The following SPAG16 variants were observed in gnomAD, a reference collection of about 807,000 sequenced individuals.
SPAG16 encodes the protein sperm-associated antigen 16 protein.
SPAG16 carries 86 observed loss-of-function variants against 80.4 expected under a neutral mutation model. The ratio of observed to expected loss-of-function variants is 1.07; its 90% CI spans 0.90 to 1.28. SPAG16 has a LOEUF of 1.28. Ranked by LOEUF, SPAG16 falls within the 50% of genes most tolerant of loss-of-function variation. The probability of loss-of-function intolerance (pLI) is 0.00; values close to 1 mark genes in which losing one functional copy is unlikely to be tolerated. For synonymous variants in SPAG16, 294 were observed against 265.9 expected, an observed-to-expected ratio of 1.11 and a Z score of -1.03; for missense variants, 870 against 765.3, an observed-to-expected ratio of 1.14 and a Z score of -1.61.
intron 15 of SPAG16, among the ~76,000 whole-genome samples, chr2:214,155,124 G>T (rs2056156025): frequency 6.6e-6 from 1 of 152,138 alleles, no homozygotes; most frequent in Non-Finnish European, 1.5e-5. Context: ...GCAGGGTACA[G>T]GAGAGTTATG....
intron 7 of SPAG16, 149 bp downstream of exon 7, chr2:213,350,794 A>C: frequency 1.8e-6 from 1 of 547,984 alleles, no homozygotes; most frequent in Non-Finnish European, 3.2e-6. Flanking sequence ...AAACATTCAG[A>C]AAAAGTATTT....
At chr2:214,318,549 T>C (rs958290098) in intron 15 of SPAG16, among the ~76,000 whole-genome samples, 118 of 151,952 alleles carry the variant, frequency 7.8e-4, no homozygotes, top group African/African-American at 2.8e-3. Flanking sequence ...GCCTGGCTAG[T>C]TTTTTGTAGA....
chr2:214,060,230 T>G (rs1286991803), intron 13 of SPAG16, among the ~76,000 whole-genome samples: 1 of 152,150 alleles, frequency 6.6e-6, no homozygotes, highest in Non-Finnish European at 1.5e-5. Flanking sequence ...CCCAGATGCC[T>G]CCAGCTTGCA....
At chr2:213,765,366 TCAAAA>T (rs2068879126) in intron 10 of SPAG16, among the ~76,000 whole-genome samples, 1 of 152,156 alleles carries the variant, frequency 6.6e-6, no homozygotes, top group Non-Finnish European at 1.5e-5. Context: ...AGACTCTGTC[TCAAAA>T]CAAATCAAAA....
intron 7 of SPAG16, among the ~76,000 whole-genome samples, chr2:213,358,585 G>A (rs551404124): frequency 2.0e-5 from 3 of 152,158 alleles, no homozygotes; most frequent in South Asian, 2.1e-4. Context: ...CAACGTTTTC[G>A]TGCTGTGGTT....
At chr2:213,730,865 T>C (rs2066999910) in intron 10 of SPAG16, among the ~76,000 whole-genome samples, 1 of 152,214 alleles carries the variant, frequency 6.6e-6, no homozygotes. Flanking sequence ...TTTGTTTTAC[T>C]TGTTTGTTAC....
rs191792301 is a variant in SPAG16 at position 214,409,343 on chromosome 2, C to T, written c.1721-797C>T. On this transcript the variant is annotated intron_variant, in intron 15 of 15. Transcript: ENST00000331683. ...ACACTAAGTACTGAGCTTATGTAAA[C>T]ATATCCTATTGTTTTACTTAACTCC... Among the ~76,000 whole-genome samples the T allele has an allele frequency of 2.0e-5, 3 of 152,124 alleles. No homozygotes were observed. In the East Asian group the frequency reaches 5.8e-4, roughly 29 times the overall value.
chr2:213,732,264 A>G lies in SPAG16; in HGVS notation c.1071-130221A>G, dbSNP rs112688844. ...ATTTCTGGGTTCTCTGTTCTGTTTC[A>G]TTGGTCAATGTGTCTGTTCATCCAT... On this transcript the variant is annotated intron_variant, in intron 10 of 15. Transcript: ENST00000331683. Among the ~76,000 whole-genome samples the G allele has an allele frequency of 9.9e-5, 15 of 152,240 alleles. 1 individual carries two copies. Among genetic ancestry groups the G allele is most frequent in the African/African-American group, 2.6e-4 (11 of 41,538 alleles).
chr2:214,145,895 G>A (rs1484916363), intron 14 of SPAG16, among the ~76,000 whole-genome samples: 2 of 152,000 alleles, frequency 1.3e-5, no homozygotes, highest in South Asian at 2.1e-4. Context: ...TGTCTAACAC[G>A]TAGTAAGAAC....
chr2:213,438,341 T>C (rs1575590098), intron 9 of SPAG16, among the ~76,000 whole-genome samples: 1 of 152,216 alleles, frequency 6.6e-6, no homozygotes, highest in Non-Finnish European at 1.5e-5. Flanking sequence ...AGTATTCTGA[T>C]AGGCCATGCC....
At chr2:214,129,759 A>G (rs960336985) in intron 14 of SPAG16, among the ~76,000 whole-genome samples, 1 of 152,146 alleles carries the variant, frequency 6.6e-6, no homozygotes, top group Non-Finnish European at 1.5e-5. Context: ...CAACTTTTAT[A>G]TTATCTTTCA....
At chr2:213,533,752 C>G (rs1226713077) in intron 10 of SPAG16, among the ~76,000 whole-genome samples, 1 of 151,866 alleles carries the variant, frequency 6.6e-6, no homozygotes, top group Non-Finnish European at 1.5e-5. Context: ...GAAATAATAT[C>G]TATATAATAT....
chr2:213,605,548 G>T (rs941943515), intron 10 of SPAG16, among the ~76,000 whole-genome samples: 1 of 152,054 alleles, frequency 6.6e-6, no homozygotes, highest in African/African-American at 2.4e-5. Flanking sequence ...AGTGTGCAAT[G>T]GCCCGGTCTC....
intron 10 of SPAG16, among the ~76,000 whole-genome samples, chr2:213,574,659 GATATATGATATATATATGATATATGATAT>G (rs565593289): frequency 6.9e-6 from 1 of 145,838 alleles, no homozygotes; most frequent in African/African-American, 2.5e-5. Flanking sequence ...TCATATATAT[GATATATGATATATATATGATATATGATAT>G]ATATATGATA....
chr2:214,199,396 G>A (rs1014873432), intron 15 of SPAG16, among the ~76,000 whole-genome samples: 5 of 151,910 alleles, frequency 3.3e-5, no homozygotes, highest in African/African-American at 9.7e-5. Context: ...TTGCTTTGTC[G>A]AAGATCAGTT....
chr2:213,760,204 T>C (rs1188143870), intron 10 of SPAG16, among the ~76,000 whole-genome samples: 1 of 151,996 alleles, frequency 6.6e-6, no homozygotes, highest in Non-Finnish European at 1.5e-5. Flanking sequence ...GATCCAAAGA[T>C]GCAAATAGAT....
chr2:213,976,019 T>C (rs777197759), intron 12 of SPAG16, among the ~76,000 whole-genome samples: 1 of 151,014 alleles, frequency 6.6e-6, no homozygotes, highest in East Asian at 1.9e-4. Flanking sequence ...TTCAGTATCA[T>C]GTGGGTCTCC....
chr2:213,703,407 G>A (rs1012685334), intron 10 of SPAG16, among the ~76,000 whole-genome samples: 2 of 152,160 alleles, frequency 1.3e-5, no homozygotes, highest in Non-Finnish European at 2.9e-5. Flanking sequence ...GAGCACCAAC[G>A]TTTTAAAGAC....
chr2:214,408,587 A>G (rs1261443747), intron 15 of SPAG16, among the ~76,000 whole-genome samples: 1 of 152,200 alleles, frequency 6.6e-6, no homozygotes, highest in African/African-American at 2.4e-5. Context: ...TTTTAGAGGT[A>G]TTCATGATGT....
Sources: gnomAD v4.1 joint callset for allele counts (sites outside exome capture counted in the v4.1 genomes callset) on GRCh38, gnomAD v4.1.1 for gene constraint, MANE v1.5 for transcripts, NCBI Gene and HGNC (gene_info 2026-07-23, HGNC 2026-07-21) for gene names.